Variants in EFHD2 observed in about 807,000 individuals in gnomAD.
The protein encoded by EFHD2 is EF-hand domain family member D2.
EFHD2 carries 12 observed loss-of-function variants against 20.3 expected under a neutral mutation model. That is an observed-to-expected ratio of 0.59 (90% CI 0.38 to 0.96). The LOEUF is 0.96. Ranked by LOEUF, EFHD2 falls within the 40% of genes least tolerant of loss-of-function variation. EFHD2 has a pLI of 0.00. For missense variants in EFHD2, 250 were observed against 334.3 expected, an observed-to-expected ratio of 0.75 and a Z score of 1.97; for synonymous variants, 131 against 143.9, an observed-to-expected ratio of 0.91 and a Z score of 0.64.
rs987689745 is a variant in EFHD2, at chr1:15,413,187, G to A, written c.308+2908G>A. 2.6e-4 allele frequency among the ~76,000 whole-genome samples: 40 copies of A among 152,186 alleles called. No homozygotes were observed. The highest frequency in any genetic ancestry group is 9.4e-4 in the African/African-American group (39 of 41,454). ...TCAAAGCCAGGGCATCAGAGCCAGG[G>A]CTCTGGGGAGAGCAGAGGGCAGAGA... On this transcript the variant is annotated intron_variant, in intron 1 of 3. Transcript: ENST00000375980. This position sits in a 1 kb window ranked among gnomAD's most constrained non-coding sequence, Gnocchi z 4.4.
chr1:15,414,580 C>T (rs1557497135), intron 1 of EFHD2, among the ~76,000 whole-genome samples: 1 of 152,254 alleles, frequency 6.6e-6, no homozygotes, highest in Non-Finnish European at 1.5e-5. Flanking sequence ...CTCTCCTGGG[C>T]CCCTCATAGG....
chr1:15,428,842 A>C lies in EFHD2; in HGVS notation c.*118A>C. 1.4e-6 allele frequency: 2 copies of C among 1,418,214 alleles called. No homozygotes were observed. Among genetic ancestry groups the C allele is most frequent in the Admixed American group, 2.1e-5 (1 of 46,700 alleles). The allele number at this position is 1,418,214 out of a possible 1,614,324, so 87.9% of individuals were successfully genotyped here. ...ACGGGACCACTACTAAAAACCTAAA[A>C]ATATCTGTGAATGGAGCAAGTTCAG... On this transcript the variant is annotated 3_prime_UTR_variant, in exon 4 of 4. Coordinates refer to ENST00000375980, the MANE Select transcript of EFHD2 (RefSeq NM_024329.6).
chr1:15,424,238 C>T (rs1707837485), intron 1 of EFHD2, among the ~76,000 whole-genome samples: 1 of 152,026 alleles, frequency 6.6e-6, no homozygotes, highest in African/African-American at 2.4e-5. Flanking sequence ...CTCTCCCCAG[C>T]CCCCATCTTG....
intron 1 of EFHD2, among the ~76,000 whole-genome samples, chr1:15,411,671 G>A (rs537708123): frequency 1.3e-5 from 2 of 152,328 alleles, no homozygotes; most frequent in East Asian, 3.9e-4. Flanking sequence ...GAACTGGCCT[G>A]AGGCTGAGTC....
At chr1:15,425,115 A>G (rs1482628853) in intron 1 of EFHD2, among the ~76,000 whole-genome samples, 1 of 152,122 alleles carries the variant, frequency 6.6e-6, no homozygotes, top group Non-Finnish European at 1.5e-5. Flanking sequence ...TCTGCCATCT[A>G]GGGTGGGGGT....
chr1:15,425,501 G>A (rs887742986), intron 1 of EFHD2, among the ~76,000 whole-genome samples: 3 of 151,822 alleles, frequency 2.0e-5, no homozygotes, highest in Non-Finnish European at 4.4e-5. Flanking sequence ...CTCGAGCCTG[G>A]GCAACGGAGC....
rs1707874481 is a variant in EFHD2, at chr1:15,426,553, C to A, written c.456+535C>A. ...GTACAGGGATGGACCCCAGGAAGCA[C>A]AGGGTTAGGTGTGGGGACTCGAGGC... On this transcript the variant is annotated intron_variant, in intron 2 of 3. Transcript: ENST00000375980. The surrounding 1 kb of genome is among the most constrained non-coding windows in gnomAD (Gnocchi z 4.6). Among the ~76,000 whole-genome samples the A allele has an allele frequency of 6.6e-6, 1 of 152,042 alleles. No homozygotes were observed. Among genetic ancestry groups the A allele is most frequent in the African/African-American group, 2.4e-5 (1 of 41,400 alleles).
chr1:15,410,775 C>T (rs2103267973), intron 1 of EFHD2, among the ~76,000 whole-genome samples: 1 of 151,298 alleles, frequency 6.6e-6, no homozygotes, highest in South Asian at 2.1e-4. Context: ...AAGATACCCA[C>T]CCCAGTGCCC....
chr1:15,424,476 T>C (rs1707840438), intron 1 of EFHD2, among the ~76,000 whole-genome samples: 1 of 152,126 alleles, frequency 6.6e-6, no homozygotes, highest in Non-Finnish European at 1.5e-5. Context: ...TGCCAGGTTG[T>C]TAGTGGTAGA....
intron 1 of EFHD2, among the ~76,000 whole-genome samples, chr1:15,422,085 A>ATTTT (rs71000400): frequency 9.2e-5 from 8 of 86,630 alleles, no homozygotes; most frequent in African/African-American, 9.1e-5. Flanking sequence ...AGGTCATTCC[A>ATTTT]TTTTTTTTTT....
At position 15,428,929 on chromosome 1, in the gene EFHD2, A is replaced by G. The variant is rs1707919434; in HGVS notation, c.*205A>G. The stretch of plus-strand genomic sequence containing the variant: ...CTTCCACTCTGCACGAGGCCGCCAC[A>G]CCGGCGCTGGCTCCCTGCCCGGCCC... On this transcript the variant is annotated 3_prime_UTR_variant, in exon 4 of 4. Coordinates refer to ENST00000375980, the MANE Select transcript of EFHD2 (RefSeq NM_024329.6). 6.9e-6 allele frequency: 5 copies of G among 726,292 alleles called. No homozygotes were observed. The highest frequency in any genetic ancestry group is 1.1e-5 in the Non-Finnish European group (5 of 464,748). 45.0% of individuals were successfully genotyped at this position (726,292 alleles called of 1,614,324 possible). A position where few individuals can be genotyped will look rare whatever the true frequency, so the allele number is the denominator to read the frequency against.
At chr1:15,410,591 GC>G (rs1241083707) in intron 1 of EFHD2, among the ~76,000 whole-genome samples, 2 of 152,034 alleles carry the variant, frequency 1.3e-5, no homozygotes, top group African/African-American at 4.8e-5. Flanking sequence ...TAATCGCCAG[GC>G]CCCGCGAGCC....
chr1:15,413,558 G>C lies in EFHD2; in HGVS notation c.308+3279G>C, dbSNP rs899418749. On this transcript the variant is annotated intron_variant, in intron 1 of 3. Coordinates refer to ENST00000375980, the MANE Select transcript of EFHD2 (RefSeq NM_024329.6). The surrounding 1 kb of genome is among the most constrained non-coding windows in gnomAD (Gnocchi z 4.4). ...CTGGAGATCGAGGGGGAAGAGAGGG[G>C]ATGGGGGAAGATAGACAGACTGTCA... Among the ~76,000 whole-genome samples, 1 of 152,130 alleles carries C rather than the reference G, an allele frequency of 6.6e-6. No individual in the cohort carries two copies. The highest frequency in any genetic ancestry group is 6.5e-5 in the Admixed American group (1 of 15,270).
chr1:15,410,364 G>A (rs1292315291), intron 1 of EFHD2, 85 bp downstream of exon 1: 1 of 1,398,870 alleles, frequency 7.1e-7, no homozygotes, highest in Non-Finnish European at 9.4e-7. Context: ...ATCCCGCTCC[G>A]CCCCGGGAGC....
chr1:15,420,915 T>G (rs532877162), intron 1 of EFHD2, among the ~76,000 whole-genome samples: 1 of 152,208 alleles, frequency 6.6e-6, no homozygotes, highest in South Asian at 2.1e-4. Flanking sequence ...GTGCTGGCAT[T>G]ATAGACATGA....
At chr1:15,418,499 G>T (rs578176924) in intron 1 of EFHD2, among the ~76,000 whole-genome samples, 3 of 150,614 alleles carry the variant, frequency 2.0e-5, no homozygotes, top group Non-Finnish European at 4.4e-5. Context: ...TAGAGACGGG[G>T]TTTCACCGTG....
intron 1 of EFHD2, among the ~76,000 whole-genome samples, chr1:15,410,994 T>C (rs1051722565): frequency 6.6e-6 from 1 of 151,996 alleles, no homozygotes; most frequent in African/African-American, 2.4e-5. Context: ...CACTCACAAG[T>C]GGTCTCCTTA....
chr1:15,428,825 A>G lies in EFHD2; in HGVS notation c.*101A>G, dbSNP rs1707917796. The G allele has an allele frequency of 1.2e-5, 18 of 1,500,896 alleles. No individual in the cohort carries two copies. Among genetic ancestry groups the G allele is most frequent in the South Asian group, 1.0e-4 (8 of 79,940 alleles). The allele number at this position is 1,500,896 out of a possible 1,614,324, so 93.0% of individuals were successfully genotyped here. A position where few individuals can be genotyped will look rare whatever the true frequency, so the allele number is the denominator to read the frequency against. Reference sequence around the variant, plus strand: ...ATCCTTGCCTGTGTCTGACGGGACCACTACTAAAAACCTAAAAATATCTGT... The same window carrying G: ...ATCCTTGCCTGTGTCTGACGGGACCGCTACTAAAAACCTAAAAATATCTGT... On this transcript the variant is annotated 3_prime_UTR_variant, in exon 4 of 4. Transcript: ENST00000375980.
chr1:15,420,818 C>G (rs1255261789), intron 1 of EFHD2, among the ~76,000 whole-genome samples: 1 of 152,016 alleles, frequency 6.6e-6, no homozygotes, highest in Non-Finnish European at 1.5e-5. Flanking sequence ...GCACCTGGCC[C>G]TTTATTTTTT....
Sources: allele counts gnomAD v4.1 joint callset (sites outside exome capture counted in the v4.1 genomes callset), GRCh38; gene constraint gnomAD v4.1.1; non-coding constraint Gnocchi (gnomAD v3.1); transcripts MANE v1.5; gene names NCBI Gene and HGNC (gene_info 2026-07-23, HGNC 2026-07-21).